Variants in MASP1 observed in about 807,000 individuals in gnomAD.
MASP1 encodes the protein mannan-binding lectin serine protease 1.
In MASP1, 59 loss-of-function variants were observed where a neutral mutation model predicts 77.1. The observed-to-expected ratio is 0.77, with a 90% CI of 0.62 to 0.95. The LOEUF (loss-of-function observed/expected upper bound fraction) is 0.95, where lower values mean the gene tolerates loss of function less well. Among genes scored for constraint, MASP1 ranks in the 40% least tolerant of loss-of-function variants. The probability of loss-of-function intolerance (pLI) is 0.00; values close to 1 mark genes in which losing one functional copy is unlikely to be tolerated. For missense variants in MASP1, 885 were observed against 912.9 expected, an observed-to-expected ratio of 0.97 and a Z score of 0.39; for synonymous variants, 362 against 354.5, an observed-to-expected ratio of 1.02 and a Z score of -0.24.
chr3:187,253,207 C>T lies in MASP1; in HGVS notation c.853G>A (p.Gly285Arg). Residue 285 changes from glycine to arginine, a missense_variant, in exon 6 of 11, where the codon GGA (glycine) becomes AGA (arginine). Coordinates refer to ENST00000296280, the MANE Select transcript of MASP1 (RefSeq NM_139125.4). ...VLILFHSDNS[G>R]ENRGWRLSYR... ...GAGAGCCTCCAGCCCCGGTTCTCTC[C>T]CGAGTTGTCACTATGGAACAGGATC... 1.2e-6 allele frequency: 2 copies of T among 1,614,150 alleles called. No individual in the cohort carries two copies. Among genetic ancestry groups the T allele is most frequent in the Non-Finnish European group, 1.7e-6 (2 of 1,180,016 alleles).
intron 6 of MASP1, among the ~76,000 whole-genome samples, chr3:187,252,093 C>T (rs1714658680): frequency 6.6e-6 from 1 of 152,176 alleles, no homozygotes. Flanking sequence ...GACTGCTCAG[C>T]TAGGAGCCCC....
At chr3:187,229,700 G>A (rs182806683), downstream of MASP1, 23 of 1,597,894 alleles carry the variant, frequency 1.4e-5, no homozygotes, top group Admixed American at 2.1e-4. Context: ...AGAAACCTTG[G>A]TCAGTCTCCA....
At chr3:187,282,805 A>G (rs536062136) in intron 2 of MASP1, among the ~76,000 whole-genome samples, 12 of 152,336 alleles carry the variant, frequency 7.9e-5, no homozygotes, top group African/African-American at 2.9e-4. Flanking sequence ...GAAGAGAGTC[A>G]GCTGTGCAAG....
Position 187,236,566 on chromosome 3 carries a change from C to A in MASP1, c.1305G>T (p.Glu435Asp). The change falls in exon 11 of 11, where the codon GAG becomes GAT. Residue 435 changes from glutamate (E) to aspartate (D), a missense_variant and splice_region_variant. Physicochemically the swap from Glu to Asp is conservative, Grantham distance 45. Transcript: ENST00000296280. ...GCAGGGAGCGGGAGGGCTGACCACA[C>A]TCTGTAAGGAGAAAGAGGGAGCAGG... Reference protein sequence around the residue: ...LGRSLPTCLPECGQPSRSLPS... With the variant: ...LGRSLPTCLPDCGQPSRSLPS... 1 of 1,613,854 alleles carries A rather than the reference C, an allele frequency of 6.2e-7. No homozygotes were observed. Among genetic ancestry groups the A allele is most frequent in the Non-Finnish European group, 8.5e-7 (1 of 1,179,934 alleles).
In MASP1 at chr3:187,285,878, A is replaced by G. The variant is rs749793286; in HGVS notation, c.184T>C (p.Phe62Leu). The G allele has an allele frequency of 6.2e-7, 1 of 1,614,084 alleles. No individual in the cohort carries two copies. The highest frequency in any genetic ancestry group is 1.3e-5 in the African/African-American group (1 of 74,936). The stretch of plus-strand genomic sequence containing the variant: ...GAGGATTCCAAGTTGAAGTGCATGA[A>G]GTAAAGCTTGATCCGAAACCCATCT... Reference protein sequence around the residue: ...VPDGFRIKLYFMHFNLESSYL... With the variant: ...VPDGFRIKLYLMHFNLESSYL... Residue 62 changes from phenylalanine to leucine, a missense_variant, in exon 2 of 11, where the codon TTC (phenylalanine) becomes CTC (leucine). By Grantham distance (22) the Phe-to-Leu change is conservative. Coordinates refer to ENST00000296280, the MANE Select transcript of MASP1 (RefSeq NM_139125.4).
At chr3:187,231,088 A>G (rs1712738918), downstream of MASP1, among the ~76,000 whole-genome samples, 1 of 152,178 alleles carries the variant, frequency 6.6e-6, no homozygotes, top group Non-Finnish European at 1.5e-5. Flanking sequence ...CTCCATTCCC[A>G]ACAGACGCTC....
At chr3:187,228,323 A>G (rs557260162) in intron 11 of MASP1, among the ~76,000 whole-genome samples, 1 of 151,964 alleles carries the variant, frequency 6.6e-6, no homozygotes. Flanking sequence ...AAGAAAATGA[A>G]TTCATTCTTA....
In MASP1 at chr3:187,220,267, T is replaced by G. The variant is rs139815077; in HGVS notation, c.1910-6A>C. On this transcript the variant is annotated splice_region_variant and splice_polypyrimidine_tract_variant and intron_variant, in intron 15 of 15. Transcript: ENST00000337774. ...CGCACAGGCGTCCTTTCCCCCTAGG[T>G]GAAAAAGAGACATAGATGAAGATAA... is the stretch of plus-strand genomic sequence containing the variant. The G allele has an allele frequency of 1.1e-4, 174 of 1,613,520 alleles. 1 individual carries two copies. The African/African-American group carries it at 1.9e-3, about 17-fold the overall frequency.
intron 2 of MASP1, among the ~76,000 whole-genome samples, chr3:187,272,941 A>G (rs1716642470): frequency 6.6e-6 from 1 of 152,224 alleles, no homozygotes; most frequent in Non-Finnish European, 1.5e-5. Context: ...AATCCTATTT[A>G]TATTACAGAA....
chr3:187,258,282 A>G (rs908028969), intron 4 of MASP1, among the ~76,000 whole-genome samples: 2 of 152,208 alleles, frequency 1.3e-5, no homozygotes, highest in African/African-American at 4.8e-5. Flanking sequence ...TTTTGATAAG[A>G]GACTTCTGAC....
intron 15 of MASP1, among the ~76,000 whole-genome samples, chr3:187,220,793 C>A (rs972840602): frequency 2.0e-5 from 3 of 152,214 alleles, no homozygotes; most frequent in African/African-American, 7.2e-5. Flanking sequence ...CCACCGTGCC[C>A]GGCCAAGGCC....
chr3:187,227,810 G>A (rs1712524431), intron 11 of MASP1, among the ~76,000 whole-genome samples: 1 of 152,140 alleles, frequency 6.6e-6, no homozygotes, highest in African/African-American at 2.4e-5. Flanking sequence ...TGAACCCAGG[G>A]GTGTACACTG....
intron 2 of MASP1, 36 bp downstream of exon 2, chr3:187,285,789 G>C (rs763880654): frequency 8.5e-6 from 13 of 1,530,490 alleles, no homozygotes; most frequent in Non-Finnish European, 7.2e-6. Flanking sequence ...TCCCAGAAGA[G>C]AGCCTGGCCC....
intron 8 of MASP1, among the ~76,000 whole-genome samples, chr3:187,247,766 A>G (rs541057971): frequency 2.6e-5 from 4 of 152,276 alleles, no homozygotes; most frequent in South Asian, 4.1e-4. Context: ...ACAATGACCC[A>G]TAATTCCCAG....
chr3:187,272,038 C>T (rs1057264609), intron 2 of MASP1, among the ~76,000 whole-genome samples: 3 of 150,258 alleles, frequency 2.0e-5, no homozygotes, highest in African/African-American at 7.5e-5. Flanking sequence ...CAGGGAGGGT[C>T]TCATGTCAGG....
exon 16 of MASP1, chr3:187,219,867 G>A (rs1187392100): frequency 4.3e-5 from 26 of 609,694 alleles, no homozygotes; most frequent in East Asian, 3.1e-4. Context: ...GCCTGGATTC[G>A]GCCTGTGTTC....
intron 8 of MASP1, chr3:187,246,553 C>A: frequency 1.0e-6 from 1 of 985,646 alleles, no homozygotes; most frequent in Non-Finnish European, 1.2e-6. Context: ...ACATGTGTGT[C>A]CAGATGTTCA....
At chr3:187,279,924 T>C (rs1386230963) in intron 2 of MASP1, among the ~76,000 whole-genome samples, 1 of 152,250 alleles carries the variant, frequency 6.6e-6, no homozygotes, top group Non-Finnish European at 1.5e-5. Flanking sequence ...GAACCGTGAA[T>C]TCCTTGAGGA....
intron 10 of MASP1, among the ~76,000 whole-genome samples, chr3:187,240,328 T>C (rs1713528495): frequency 6.6e-6 from 1 of 152,076 alleles, no homozygotes; most frequent in African/African-American, 2.4e-5. Context: ...TTCAGCAAAA[T>C]ACAAATATCA....
Sources: gnomAD v4.1 joint callset for allele counts (sites outside exome capture counted in the v4.1 genomes callset) on GRCh38, gnomAD v4.1.1 for gene constraint, MANE v1.5 for transcripts, NCBI Gene and HGNC (gene_info 2026-07-23, HGNC 2026-07-21) for gene names.